NELL1: variants seen among roughly 807,000 people sequenced by gnomAD.
NELL1 encodes neural EGFL like 1.
A neutral mutation model predicts 107.4 loss-of-function variants in NELL1; 76 were observed. The observed-to-expected ratio is 0.71, with a 90% CI of 0.59 to 0.86. The LOEUF (loss-of-function observed/expected upper bound fraction) is 0.86, where lower values mean the gene tolerates loss of function less well. NELL1 is among the 40% of genes least tolerant of loss of function. The pLI is 0.00. For missense variants in NELL1, 1,024 were observed against 1,005.5 expected, an observed-to-expected ratio of 1.02 and a Z score of -0.25; for synonymous variants, 353 against 341.2, an observed-to-expected ratio of 1.03 and a Z score of -0.38.
At chr11:21,144,496 A>G (rs1051888208) in intron 13 of NELL1, among the ~76,000 whole-genome samples, 3 of 152,008 alleles carry the variant, frequency 2.0e-5, no homozygotes, top group African/African-American at 7.3e-5. Flanking sequence ...TGTCCGTAAT[A>G]GAGAGAGAGA....
chr11:20,770,654 A>G (rs937376349), intron 2 of NELL1, among the ~76,000 whole-genome samples: 8 of 152,234 alleles, frequency 5.3e-5, no homozygotes, highest in Non-Finnish European at 8.8e-5. Flanking sequence ...AGATTAATGC[A>G]TGTGATCTAA....
chr11:20,675,011 T>C (rs1302589406), intron 1 of NELL1, among the ~76,000 whole-genome samples: 2 of 152,198 alleles, frequency 1.3e-5, no homozygotes, highest in Non-Finnish European at 2.9e-5. Flanking sequence ...GGTTGGCTTA[T>C]CTAGGCTGCA....
At chr11:21,010,889 C>T (rs1307499574) in intron 12 of NELL1, among the ~76,000 whole-genome samples, 1 of 152,080 alleles carries the variant, frequency 6.6e-6, no homozygotes, top group Non-Finnish European at 1.5e-5. Context: ...GGCTGCCCAG[C>T]CCCCTTTCTG....
At chr11:21,569,190 C>G (rs1857042947) in intron 17 of NELL1, among the ~76,000 whole-genome samples, 1 of 148,398 alleles carries the variant, frequency 6.7e-6, no homozygotes, top group South Asian at 2.2e-4. Flanking sequence ...ACCAAAATTT[C>G]ATTGTGTGGC....
intron 13 of NELL1, among the ~76,000 whole-genome samples, chr11:21,117,895 A>G (rs1855275071): frequency 6.6e-6 from 1 of 152,004 alleles, no homozygotes; most frequent in Admixed American, 6.6e-5. Context: ...CACTAGTTCC[A>G]TCCATCCACA....
At chr11:20,733,686 G>A (rs755571623) in intron 2 of NELL1, among the ~76,000 whole-genome samples, 2 of 152,068 alleles carry the variant, frequency 1.3e-5, no homozygotes, top group Non-Finnish European at 2.9e-5. Context: ...CCCTTATGAA[G>A]GTTGCATAAA....
intron 15 of NELL1, among the ~76,000 whole-genome samples, chr11:21,381,904 A>ATTTTTTTTTTTTTTTTTTTTTTTTT (rs149327802): frequency 2.2e-5 from 2 of 91,356 alleles, no homozygotes; most frequent in African/African-American, 4.5e-5. Flanking sequence ...CCTGGAAGGG[A>ATTTTTTTTTTTTTTTTTTTTTTTTT]TTTTTTTTTT....
chr11:20,675,192 T>A lies in NELL1; in HGVS notation c.56-2740T>A, dbSNP rs77391541. ...CGCTGCCTGAATAATGTTACTAACA[T>A]CCCAATGGCCAAAACAAGTTACATG... On this transcript the variant is annotated intron_variant, in intron 1 of 19. Coordinates refer to ENST00000357134, the MANE Select transcript of NELL1 (RefSeq NM_006157.5). Among the ~76,000 whole-genome samples the A allele has an allele frequency of 0.017, 2,549 of 152,240 alleles. 141 individuals are homozygous for A. The East Asian group carries it at 0.18, about 11-fold the overall frequency.
At chr11:21,214,111 A>C (rs548923954) in intron 13 of NELL1, among the ~76,000 whole-genome samples, 3 of 152,270 alleles carry the variant, frequency 2.0e-5, no homozygotes, top group Admixed American at 2.0e-4. Context: ...CTTTTATCTG[A>C]AATTTCTGGA....
At chr11:20,943,212 A>G (rs1297006060) in intron 10 of NELL1, among the ~76,000 whole-genome samples, 1 of 152,176 alleles carries the variant, frequency 6.6e-6, no homozygotes, top group Non-Finnish European at 1.5e-5. Context: ...GTTATTTACT[A>G]ATTACTTTGT....
chr11:20,981,956 T>TTCTCTCTCTCTCTCTCTCTC (rs68140364), intron 12 of NELL1, among the ~76,000 whole-genome samples: 5 of 148,656 alleles, frequency 3.4e-5, no homozygotes, highest in South Asian at 2.2e-4. Flanking sequence ...CTCTCTCTCT[T>TTCTCTCTCTCTCTCTCTCTC]TCTCTCTCTC....
chr11:21,479,060 A>G (rs1313367349), intron 15 of NELL1, among the ~76,000 whole-genome samples: 1 of 152,182 alleles, frequency 6.6e-6, no homozygotes, highest in Non-Finnish European at 1.5e-5. Context: ...AAGGATGTGG[A>G]GAAAGGAGAA....
At chr11:21,179,086 T>C (rs1856771766) in intron 13 of NELL1, among the ~76,000 whole-genome samples, 1 of 151,868 alleles carries the variant, frequency 6.6e-6, no homozygotes, top group Non-Finnish European at 1.5e-5. Flanking sequence ...GAACAATTAA[T>C]TTATTGTCCA....
At chr11:20,672,219 C>T (rs1853931300) in intron 1 of NELL1, among the ~76,000 whole-genome samples, 1 of 152,166 alleles carries the variant, frequency 6.6e-6, no homozygotes, top group Non-Finnish European at 1.5e-5. Context: ...CCACATCATC[C>T]ATCCACCCTC....
At chr11:20,723,088 C>T (rs548186884) in intron 2 of NELL1, among the ~76,000 whole-genome samples, 28 of 152,248 alleles carry the variant, frequency 1.8e-4, no homozygotes, top group Middle Eastern at 3.4e-3. Context: ...CCTCCCCTGA[C>T]ATGTGGGGAT....
chr11:21,336,668 T>TAC (rs561195381), intron 14 of NELL1, among the ~76,000 whole-genome samples: 7 of 57,394 alleles, frequency 1.2e-4, no homozygotes, highest in African/African-American at 4.4e-4. Flanking sequence ...TATATATATA[T>TAC]ATATATACAC....
At chr11:21,396,795 A>G (rs1051017282) in intron 15 of NELL1, among the ~76,000 whole-genome samples, 17 of 151,580 alleles carry the variant, frequency 1.1e-4, no homozygotes, top group African/African-American at 3.9e-4. Context: ...TGATTTAGAC[A>G]TATCTAACTC....
At chr11:20,996,059 G>T (rs1590516676) in intron 12 of NELL1, among the ~76,000 whole-genome samples, 2 of 152,186 alleles carry the variant, frequency 1.3e-5, no homozygotes, top group East Asian at 3.8e-4. Context: ...TTATTACCCT[G>T]CCATTTAATG....
In NELL1 at chr11:21,146,992, C is replaced by T. The variant is rs527736684; in HGVS notation, c.1426+33278C>T. On this transcript the variant is annotated intron_variant, in intron 13 of 19. Coordinates refer to ENST00000357134, the MANE Select transcript of NELL1 (RefSeq NM_006157.5). Reference sequence around the variant, plus strand: ...CCAGGAGGCAGAGGTTGCAGTGAGCCAAGATTGCACCACTGCGCTCCAGCG... The same window carrying T: ...CCAGGAGGCAGAGGTTGCAGTGAGCTAAGATTGCACCACTGCGCTCCAGCG... Among the ~76,000 whole-genome samples the T allele has an allele frequency of 5.5e-3, 832 of 152,248 alleles. 9 individuals are homozygous for T. The highest frequency in any genetic ancestry group is 0.019 in the African/African-American group (799 of 41,538).
Sources: allele counts gnomAD v4.1 joint callset (sites outside exome capture counted in the v4.1 genomes callset), GRCh38; gene constraint gnomAD v4.1.1; transcripts MANE v1.5; gene names NCBI Gene and HGNC (gene_info 2026-07-23, HGNC 2026-07-21).